Variants in ZNG1B observed in about 807,000 individuals in gnomAD.
The protein encoded by ZNG1B is zinc-regulated GTPase metalloprotein activator 1B.
At chr2:113,481,235 A>G in the ZNG1B span, among the ~76,000 whole-genome samples, 2,226 of 99,142 alleles carry the variant, frequency 0.022, no homozygotes, top group South Asian at 0.059. Context: ...AGCAGTTATA[A>G]TGCTTTAGTG....
At chr2:113,437,934 G>T in the ZNG1B span, 4 of 1,612,050 alleles carry the variant, frequency 2.5e-6, no homozygotes, top group Non-Finnish European at 3.4e-6. Flanking sequence ...GTCCTGAATT[G>T]GTTCCCATGG....
At chr2:113,494,774 A>G in the ZNG1B span, 2 of 759,740 alleles carry the variant, frequency 2.6e-6, no homozygotes, top group African/African-American at 4.0e-5. Flanking sequence ...AACATTATAT[A>G]AAATCTTTAA....
At chr2:113,488,208 C>A in the ZNG1B span, among the ~76,000 whole-genome samples, 1,282 of 152,284 alleles carry the variant, frequency 8.4e-3, 54 homozygotes, top group Admixed American at 0.077. Context: ...CAGACTACCC[C>A]CCAGTACCAG....
At chr2:113,448,078 C>G in the ZNG1B span, among the ~76,000 whole-genome samples, 1 of 152,130 alleles carries the variant, frequency 6.6e-6, no homozygotes, top group Admixed American at 6.5e-5. Context: ...TTTAGTTTGC[C>G]CAGATCCATC....
chr2:113,463,583 A>G, the ZNG1B span, among the ~76,000 whole-genome samples: 1 of 152,174 alleles, frequency 6.6e-6, no homozygotes, highest in Non-Finnish European at 1.5e-5. Flanking sequence ...CTCCATGTGG[A>G]AGGTAGGTAT....
chr2:113,493,267 C>T, the ZNG1B span, among the ~76,000 whole-genome samples: 1 of 134,704 alleles, frequency 7.4e-6, no homozygotes. Flanking sequence ...GAGTTTTATT[C>T]CTGGCCCTGG....
At chr2:113,462,751 C>G in the ZNG1B span, 1 of 520,332 alleles carries the variant, frequency 1.9e-6, no homozygotes. Flanking sequence ...CTTTCTTTTC[C>G]TGTCTTCTCT....
At chr2:113,437,858 T>C in the ZNG1B span, 5 of 1,611,754 alleles carry the variant, frequency 3.1e-6, no homozygotes, top group Non-Finnish European at 4.2e-6. Context: ...AGGGACGTGC[T>C]GTAGGCCGGA....
chr2:113,454,752 A>T, the ZNG1B span: 398 of 1,577,874 alleles, frequency 2.5e-4, 1 homozygote, highest in Non-Finnish European at 5.2e-6. Flanking sequence ...TATCATAACT[A>T]TAGTGGATTC....
At chr2:113,473,411 A>G in the ZNG1B span, among the ~76,000 whole-genome samples, 3 of 147,336 alleles carry the variant, frequency 2.0e-5, no homozygotes, top group South Asian at 6.5e-4. Flanking sequence ...TTTTCTAGAT[A>G]TATAATCATG....
At chr2:113,492,296 G>A in the ZNG1B span, among the ~76,000 whole-genome samples, 1 of 138,624 alleles carries the variant, frequency 7.2e-6, no homozygotes, top group Admixed American at 7.8e-5. Flanking sequence ...TACATACAAT[G>A]GAATACTCCT....
the ZNG1B span, among the ~76,000 whole-genome samples, chr2:113,448,881 T>C: frequency 6.6e-6 from 1 of 151,182 alleles, no homozygotes; most frequent in Admixed American, 6.6e-5. Flanking sequence ...CCAGCCTGGG[T>C]GACAGAGCGA....
At chr2:113,461,607 T>A in the ZNG1B span, among the ~76,000 whole-genome samples, 1,409 of 151,890 alleles carry the variant, frequency 9.3e-3, 24 homozygotes, top group African/African-American at 0.032. Context: ...GAATTTCCAG[T>A]TTTACTATCC....
the ZNG1B span, chr2:113,470,946 T>G: frequency 2.6e-6 from 4 of 1,544,966 alleles, no homozygotes; most frequent in Non-Finnish European, 3.5e-6. Flanking sequence ...TGTATAAAAT[T>G]TTTTAAGAGT....
chr2:113,451,371 GTTTTATT>G, the ZNG1B span, among the ~76,000 whole-genome samples: 1 of 144,818 alleles, frequency 6.9e-6, no homozygotes, highest in East Asian at 2.0e-4. Flanking sequence ...TGGCCTTTTT[GTTTTATT>G]TTTTATTTTT....
At chr2:113,457,908 G>A in the ZNG1B span, among the ~76,000 whole-genome samples, 18,916 of 117,824 alleles carry the variant, frequency 0.16, 2,342 homozygotes, top group East Asian at 0.36. Context: ...ATCTCACACC[G>A]CTCCCCTTTA....
the ZNG1B span, among the ~76,000 whole-genome samples, chr2:113,485,282 T>A: frequency 2.0e-4 from 27 of 134,800 alleles, no homozygotes; most frequent in Middle Eastern, 6.8e-3. Flanking sequence ...ACAGAAGTCT[T>A]AGTGGAGAGT....
At chr2:113,445,041 G>A in the ZNG1B span, 2 of 1,610,396 alleles carry the variant, frequency 1.2e-6, no homozygotes, top group South Asian at 1.1e-5. Context: ...GAGACCACTG[G>A]ATTGGCAGAC....
the ZNG1B span, among the ~76,000 whole-genome samples, chr2:113,446,848 A>G: frequency 6.6e-6 from 1 of 151,964 alleles, no homozygotes; most frequent in Non-Finnish European, 1.5e-5. Context: ...ATTTTATTCC[A>G]GGGATCTCTC....
Sources: allele counts gnomAD v4.1 joint callset (sites outside exome capture counted in the v4.1 genomes callset), GRCh38; gene constraint gnomAD v4.1.1; transcripts MANE v1.5; gene names NCBI Gene and HGNC (gene_info 2026-07-23, HGNC 2026-07-21).